The following HS6ST3 variants were observed in gnomAD, a reference collection of about 807,000 sequenced individuals.
HS6ST3 encodes heparan-sulfate 6-O-sulfotransferase 3.
A neutral mutation model predicts 36.7 loss-of-function variants in HS6ST3; 12 were observed. The observed-to-expected ratio is 0.33, with a 90% CI of 0.21 to 0.53. The LOEUF (loss-of-function observed/expected upper bound fraction) is 0.53, where lower values mean the gene tolerates loss of function less well. Among genes scored for constraint, HS6ST3 ranks in the 20% least tolerant of loss-of-function variants. The pLI, the probability that HS6ST3 is intolerant of heterozygous loss-of-function variation, is 0.95. For missense variants in HS6ST3, 584 were observed against 640.9 expected (o/e 0.91, Z 0.96); for synonymous variants, 240 against 257.5 (o/e 0.93, Z 0.65).
chr13:96,371,843 C>G (rs148434140), intron 1 of HS6ST3, among the ~76,000 whole-genome samples: 1 of 152,036 alleles, frequency 6.6e-6, no homozygotes, highest in Non-Finnish European at 1.5e-5. Flanking sequence ...TATATGTATT[C>G]TATCTGTTTA....
intron 1 of HS6ST3, among the ~76,000 whole-genome samples, chr13:96,806,943 C>T (rs756322355): frequency 1.3e-5 from 2 of 152,158 alleles, no homozygotes; most frequent in African/African-American, 4.8e-5. Context: ...CGGGAAGACA[C>T]GTCATAGAAG....
intron 1 of HS6ST3, among the ~76,000 whole-genome samples, chr13:96,531,344 A>G (rs1365036768): frequency 1.3e-5 from 2 of 152,248 alleles, no homozygotes; most frequent in Admixed American, 6.5e-5. Context: ...GGATTAAACC[A>G]TATTTTACAG....
At chr13:96,831,009 C>A (rs764027898) in intron 1 of HS6ST3, among the ~76,000 whole-genome samples, 14 of 152,190 alleles carry the variant, frequency 9.2e-5, no homozygotes, top group Non-Finnish European at 1.8e-4. Context: ...CTTCCAGACT[C>A]TGCTGGAAAG....
intron 1 of HS6ST3, among the ~76,000 whole-genome samples, chr13:96,718,275 G>A (rs1352851781): frequency 6.6e-6 from 1 of 152,182 alleles, no homozygotes; most frequent in African/African-American, 2.4e-5. Flanking sequence ...CATATTTCTA[G>A]TGGTGACCTA....
chr13:96,494,231 A>C (rs1355053203), intron 1 of HS6ST3, among the ~76,000 whole-genome samples: 1 of 152,126 alleles, frequency 6.6e-6, no homozygotes, highest in East Asian at 1.9e-4. Flanking sequence ...TGATGAGTTC[A>C]TATCCTTTGT....
rs557976275 is a variant in HS6ST3, at chr13:96,772,126, C to T, written c.708-60364C>T. ...AATAGAATGCATCTGGCAGCTGAGA[C>T]GTTGGTGTGGGCCTTGGAAATCAAA... On this transcript the variant is annotated intron_variant, in intron 1 of 1. Transcript: ENST00000376705. 3.9e-5 allele frequency among the ~76,000 whole-genome samples: 6 copies of T among 152,244 alleles called. No individual in the cohort carries two copies. In the East Asian group the frequency reaches 5.8e-4, roughly 15 times the overall value.
chr13:96,722,362 A>C (rs920192677), intron 1 of HS6ST3, among the ~76,000 whole-genome samples: 5 of 152,202 alleles, frequency 3.3e-5, no homozygotes, highest in Non-Finnish European at 7.3e-5. Context: ...ATTTCTTGTT[A>C]TAAAAATAGT....
At chr13:96,249,209 T>C (rs2054597156) in intron 1 of HS6ST3, among the ~76,000 whole-genome samples, 1 of 152,162 alleles carries the variant, frequency 6.6e-6, no homozygotes, top group Admixed American at 6.6e-5. Context: ...TACATTTGTG[T>C]CCCAGTGCTA....
chr13:96,221,774 G>GTATCATA (rs2054456770), intron 1 of HS6ST3, among the ~76,000 whole-genome samples: 1 of 152,154 alleles, frequency 6.6e-6, no homozygotes, highest in African/African-American at 2.4e-5. Context: ...GAGTTTATTA[G>GTATCATA]CAGGTTGTAT....
At chr13:96,192,468 C>G (rs766266329) in intron 1 of HS6ST3, among the ~76,000 whole-genome samples, 4 of 152,006 alleles carry the variant, frequency 2.6e-5, no homozygotes, top group Admixed American at 2.6e-4. Context: ...TTTGGGGTCC[C>G]CTGTGTCTAT....
chr13:96,549,045 A>G (rs975062389), intron 1 of HS6ST3, among the ~76,000 whole-genome samples: 1 of 152,158 alleles, frequency 6.6e-6, no homozygotes, highest in South Asian at 2.1e-4. Flanking sequence ...AAGTTCTTCA[A>G]CCTGAACCTC....
At chr13:96,254,078 G>T (rs2054619901) in intron 1 of HS6ST3, among the ~76,000 whole-genome samples, 1 of 151,926 alleles carries the variant, frequency 6.6e-6, no homozygotes, top group Non-Finnish European at 1.5e-5. Context: ...ATGTGTATAG[G>T]TTACAAATAT....
intron 1 of HS6ST3, among the ~76,000 whole-genome samples, chr13:96,806,052 T>C (rs1878191309): frequency 6.6e-6 from 1 of 152,184 alleles, no homozygotes; most frequent in Non-Finnish European, 1.5e-5. Flanking sequence ...TATTAAGTAT[T>C]TATGCACCCT....
chr13:96,622,443 A>C (rs570552297), intron 1 of HS6ST3, among the ~76,000 whole-genome samples: 1 of 152,134 alleles, frequency 6.6e-6, no homozygotes, highest in Non-Finnish European at 1.5e-5. Flanking sequence ...CAGTCTGACT[A>C]ATTTTTACTT....
chr13:96,102,437 G>C (rs1482202471), intron 1 of HS6ST3, among the ~76,000 whole-genome samples: 1 of 151,946 alleles, frequency 6.6e-6, no homozygotes, highest in African/African-American at 2.4e-5. Context: ...AGCCAATATC[G>C]GGCCACTGCA....
intron 1 of HS6ST3, among the ~76,000 whole-genome samples, chr13:96,481,769 C>T (rs996021698): frequency 2.0e-5 from 3 of 152,148 alleles, no homozygotes; most frequent in Non-Finnish European, 2.9e-5. Context: ...CTGTCTGTCT[C>T]GCAGGCTTGC....
chr13:96,317,224 T>C (rs2139412318), intron 1 of HS6ST3, among the ~76,000 whole-genome samples: 1 of 151,096 alleles, frequency 6.6e-6, no homozygotes, highest in South Asian at 2.1e-4. Flanking sequence ...ATATTTGGTT[T>C]TCTGTTCCTG....
intron 1 of HS6ST3, among the ~76,000 whole-genome samples, chr13:96,640,501 T>C (rs2139006325): frequency 6.6e-6 from 1 of 152,144 alleles, no homozygotes; most frequent in African/African-American, 2.4e-5. Context: ...AATATTTTTT[T>C]CCCATTCTAT....
chr13:96,424,571 A>G (rs969370827), intron 1 of HS6ST3, among the ~76,000 whole-genome samples: 4 of 152,168 alleles, frequency 2.6e-5, no homozygotes, highest in Non-Finnish European at 5.9e-5. Context: ...GGGAAGTCCA[A>G]GATGGAGGTG....
Sources: allele counts gnomAD v4.1 joint callset (sites outside exome capture counted in the v4.1 genomes callset), GRCh38; gene constraint gnomAD v4.1.1; transcripts MANE v1.5; gene names NCBI Gene and HGNC (gene_info 2026-07-23, HGNC 2026-07-21).